Variants in RNF19A observed in about 807,000 individuals in gnomAD.
The protein encoded by RNF19A is E3 ubiquitin-protein ligase RNF19A.
Under a neutral mutation model 75.7 loss-of-function variants are expected in RNF19A, and 32 were observed. The ratio of observed to expected loss-of-function variants is 0.42; its 90% CI spans 0.32 to 0.57. The LOEUF is 0.57. Ranked by LOEUF, RNF19A falls within the 20% of genes least tolerant of loss-of-function variation. The pLI is 0.10. For synonymous variants in RNF19A, 335 were observed against 345.2 expected (o/e 0.97, Z 0.33); for missense variants, 782 against 1,036.3 (o/e 0.75, Z 3.37).
rs186661408 is a variant in RNF19A at position 100,328,705 on chromosome 8, C to G, written c.-243+7403G>C. The stretch of plus-strand genomic sequence containing the variant: ...CAGGCTAGTCTCAAACTCCTGACCT[C>G]GTGATTCACCCCCATCAGCCTCCCA... On this transcript the variant is annotated intron_variant, in intron 1 of 3. Transcript: ENST00000519527. Among the ~76,000 whole-genome samples the G allele has an allele frequency of 2.7e-4, 41 of 152,194 alleles. 1 individual carries two copies. The East Asian group carries it at 6.6e-3, about 24-fold the overall frequency.
intron 1 of RNF19A, among the ~76,000 whole-genome samples, chr8:100,308,294 C>T (rs1457854250): frequency 6.6e-6 from 1 of 152,012 alleles, no homozygotes; most frequent in East Asian, 1.9e-4. Context: ...AAAAAGAGAA[C>T]ATTAAGCAGG....
upstream of RNF19A, chr8:100,310,039 G>C (rs1019662452): frequency 3.0e-6 from 3 of 985,350 alleles, no homozygotes; most frequent in African/African-American, 1.7e-5. Context: ...CCGCTTTCCC[G>C]AACTCCTCCT....
At chr8:100,334,982 A>G (rs1160764661) in intron 1 of RNF19A, among the ~76,000 whole-genome samples, 1 of 152,226 alleles carries the variant, frequency 6.6e-6, no homozygotes, top group South Asian at 2.1e-4. Context: ...AGATCTCCCC[A>G]AACAATACCC....
chr8:100,260,743 GA>G lies in RNF19A; in HGVS notation c.1683-747del, dbSNP rs1200203744. Reference sequence around the variant, plus strand: ...CCTAAGTGAAAAATAGTGAATTAAAGAGAAACAGGGGAAGATAATTTTTCCT... The same window carrying G: ...CCTAAGTGAAAAATAGTGAATTAAAGGAAACAGGGGAAGATAATTTTTCCT... On this transcript the variant is annotated intron_variant, in intron 8 of 9. Coordinates refer to ENST00000341084, the MANE Select transcript of RNF19A (RefSeq NM_183419.4). This position sits in a 1 kb window ranked among gnomAD's most constrained non-coding sequence, Gnocchi z 4.1. Among the ~76,000 whole-genome samples the G allele has an allele frequency of 2.0e-5, 3 of 152,146 alleles. No homozygotes were observed. The highest frequency in any genetic ancestry group is 2.9e-5 in the Non-Finnish European group (2 of 68,014).
chr8:100,283,215 G>GTGGCCTCAGCCAACTGAAACA (rs1554670113), intron 2 of RNF19A, among the ~76,000 whole-genome samples: 1 of 151,768 alleles, frequency 6.6e-6, no homozygotes, highest in Non-Finnish European at 1.5e-5. Context: ...TGGTAGCAGG[G>GTGGCCTCAGCCAACTGAAACA]TGGCCTTAGC....
chr8:100,309,563 A>T lies in RNF19A; in HGVS notation c.-94+304T>A, dbSNP rs1430175226. 8 of 980,204 alleles carry T rather than the reference A, an allele frequency of 8.2e-6. No individual in the cohort carries two copies. The East Asian group carries it at 9.1e-4, about 111-fold the overall frequency. The allele number at this position is 980,204 out of a possible 1,614,324, so 60.7% of individuals were successfully genotyped here. A position where few individuals can be genotyped will look rare whatever the true frequency, so the allele number is the denominator to read the frequency against. On this transcript the variant is annotated intron_variant, in intron 1 of 9. Coordinates refer to ENST00000341084, the MANE Select transcript of RNF19A (RefSeq NM_183419.4). ...GCCGGCCGCCGGCCGCACAGGCACC[A>T]GGAGGACAGGGCTTGGGGCGGATCC... is the stretch of plus-strand genomic sequence containing the variant.
intron 2 of RNF19A, among the ~76,000 whole-genome samples, chr8:100,280,585 T>A (rs1820736344): frequency 6.6e-6 from 1 of 152,030 alleles, no homozygotes; most frequent in Admixed American, 6.6e-5. Flanking sequence ...AAGAAAAACA[T>A]GTTTACTTTA....
chr8:100,264,603 A>G lies in RNF19A; in HGVS notation c.1306+68T>C. ...TCCTCAAATTAAAAAACAATTAAAAAAAATCCTTCCACAAAACTTTAACTC... is the reference window on the plus strand; with the variant it reads ...TCCTCAAATTAAAAAACAATTAAAAGAAATCCTTCCACAAAACTTTAACTC... On this transcript the variant is annotated intron_variant, in intron 6 of 9. Transcript: ENST00000341084. This position sits in a 1 kb window ranked among gnomAD's most constrained non-coding sequence, Gnocchi z 4.7. 2 of 1,048,332 alleles carry G rather than the reference A, an allele frequency of 1.9e-6. No homozygotes were observed. The allele number at this position is 1,048,332 out of a possible 1,614,324, so 64.9% of individuals were successfully genotyped here. A position where few individuals can be genotyped will look rare whatever the true frequency, so the allele number is the denominator to read the frequency against.
Position 100,269,804 on chromosome 8 carries a change from C to T in RNF19A, c.1028+65G>A. 2 of 1,288,782 alleles carry T rather than the reference C, an allele frequency of 1.6e-6. No homozygotes were observed. The highest frequency in any genetic ancestry group is 2.0e-6 in the Non-Finnish European group (2 of 976,652). 79.8% of individuals were successfully genotyped at this position (1,288,782 alleles called of 1,614,324 possible). On this transcript the variant is annotated intron_variant, in intron 4 of 9. Coordinates refer to ENST00000341084, the MANE Select transcript of RNF19A (RefSeq NM_183419.4). This position sits in a 1 kb window ranked among gnomAD's most constrained non-coding sequence, Gnocchi z 5.7. ...TATCTTATAAAACCCAAATTTAAGA[C>T]AAGTTATTTTGTCTTACAATATAAA...
chr8:100,295,186 T>C (rs1586663021), intron 1 of RNF19A, among the ~76,000 whole-genome samples: 1 of 152,218 alleles, frequency 6.6e-6, no homozygotes, highest in South Asian at 2.1e-4. Context: ...CCCTCTTTTC[T>C]AAGCATAATT....
intron 1 of RNF19A, among the ~76,000 whole-genome samples, chr8:100,306,338 A>G (rs985672311): frequency 6.6e-6 from 1 of 152,220 alleles, no homozygotes; most frequent in Admixed American, 6.5e-5. Context: ...TGTCATATTG[A>G]GAGTTTCATG....
rs1822407489 is a variant in RNF19A at position 100,317,939 on chromosome 8, G to A, written c.-242-4567C>T. ...CCCTGGTAATGAGCCTCAATGTCAA[G>A]GCCAACTGTTGTGACATTTTTGCCC... On this transcript the variant is annotated intron_variant, in intron 1 of 3. Coordinates refer to the RNF19A transcript ENST00000519527. The surrounding 1 kb of genome is among the most constrained non-coding windows in gnomAD (Gnocchi z 4.3). Among the ~76,000 whole-genome samples the A allele has an allele frequency of 6.6e-6, 1 of 152,100 alleles. No homozygotes were observed.
Position 100,260,006 on chromosome 8 carries a change from G to C in RNF19A, c.1683-9C>G, listed in dbSNP as rs749990143. ...CTGCTTGTACTTCCAACCTTAAAGG[G>C]GGGTATGAAATCACCAAAATTATAT... is the stretch of plus-strand genomic sequence containing the variant. On this transcript the variant is annotated splice_polypyrimidine_tract_variant and intron_variant, in intron 8 of 9. Transcript: ENST00000341084. This position sits in a 1 kb window ranked among gnomAD's most constrained non-coding sequence, Gnocchi z 4.1. 2 of 1,612,082 alleles carry C rather than the reference G, an allele frequency of 1.2e-6. No homozygotes were observed. The highest frequency in any genetic ancestry group is 3.3e-5 in the Admixed American group (2 of 59,714).
At chr8:100,297,795 A>G (rs150109937) in intron 1 of RNF19A, among the ~76,000 whole-genome samples, 108 of 152,300 alleles carry the variant, frequency 7.1e-4, no homozygotes, top group Non-Finnish European at 1.1e-3. Context: ...TATCTATCTT[A>G]CTCACCTTAA....
rs111593583 is a variant in RNF19A at position 100,267,669 on chromosome 8, T to C, written c.1191+1116A>G. Reference sequence around the variant, plus strand: ...ACAGGAGTAAGCCACCATGCCCAGCTTGTTAGTTCTTTTTTTTTTTTTTTG... The same window carrying C: ...ACAGGAGTAAGCCACCATGCCCAGCCTGTTAGTTCTTTTTTTTTTTTTTTG... On this transcript the variant is annotated intron_variant, in intron 5 of 9. Coordinates refer to ENST00000341084, the MANE Select transcript of RNF19A (RefSeq NM_183419.4). Among the ~76,000 whole-genome samples the C allele has an allele frequency of 3.3e-3, 489 of 147,158 alleles. 2 individuals carry two copies. The highest frequency in any genetic ancestry group is 0.012 in the African/African-American group (466 of 40,024).
At chr8:100,266,893 C>T (rs1331518415) in intron 5 of RNF19A, among the ~76,000 whole-genome samples, 1 of 152,054 alleles carries the variant, frequency 6.6e-6, no homozygotes, top group Non-Finnish European at 1.5e-5. Context: ...TTGTCATCAG[C>T]CCCAAAACTA....
Position 100,264,280 on chromosome 8 carries a change from G to A in RNF19A, c.1307-85C>T. On this transcript the variant is annotated intron_variant, in intron 6 of 9. Coordinates refer to ENST00000341084, the MANE Select transcript of RNF19A (RefSeq NM_183419.4). This position sits in a 1 kb window ranked among gnomAD's most constrained non-coding sequence, Gnocchi z 4.7. ...TGAGTTTTAGAAAGTCTTTTCAAGA[G>A]AGTCATACAGAGAAAAGCGCCAGGG... is the stretch of plus-strand genomic sequence containing the variant. The A allele has an allele frequency of 8.5e-7, 1 of 1,173,390 alleles. No homozygotes were observed. The highest frequency in any genetic ancestry group is 1.2e-6 in the Non-Finnish European group (1 of 844,120). The allele number at this position is 1,173,390 out of a possible 1,614,324, so 72.7% of individuals were successfully genotyped here.
intron 5 of RNF19A, 174 bp downstream of exon 5, chr8:100,268,611 T>C: frequency 2.4e-6 from 1 of 411,480 alleles, no homozygotes; most frequent in Non-Finnish European, 4.2e-6. Flanking sequence ...TTATATATGC[T>C]TGCCAAACAC....
intron 2 of RNF19A, among the ~76,000 whole-genome samples, chr8:100,282,841 A>AT (rs1283705542): frequency 6.6e-6 from 1 of 151,962 alleles, no homozygotes; most frequent in African/African-American, 2.4e-5. Flanking sequence ...CTATGGCCCT[A>AT]TTTTTTTTAA....
Sources: allele counts gnomAD v4.1 joint callset (sites outside exome capture counted in the v4.1 genomes callset), GRCh38; gene constraint gnomAD v4.1.1; non-coding constraint Gnocchi (gnomAD v3.1); transcripts MANE v1.5; gene names NCBI Gene and HGNC (gene_info 2026-07-23, HGNC 2026-07-21).